The following FREM3 variants were observed in gnomAD, a reference collection of about 807,000 sequenced individuals.
FREM3 encodes FRAS1-related extracellular matrix protein 3.
Under a neutral mutation model 129.1 loss-of-function variants are expected in FREM3, and 105 were observed. The observed-to-expected ratio is 0.81, with a 90% CI of 0.69 to 0.96. FREM3 has a LOEUF of 0.96. Among genes scored for constraint, FREM3 ranks in the 40% least tolerant of loss-of-function variants. The pLI is 0.00. For synonymous variants in FREM3, 1,014 were observed against 1,044.9 expected (o/e 0.97, Z 0.57); for missense variants, 2,593 against 2,666.3 (o/e 0.97, Z 0.61).
rs553370254 is a variant in FREM3, at chr4:143,594,016, A to G, written c.6029-8023T>C. 3.3e-5 allele frequency among the ~76,000 whole-genome samples: 5 copies of G among 152,152 alleles called. No homozygotes were observed. The South Asian group carries it at 1.0e-3, about 32-fold the overall frequency. ...ATGAGCGAGGCTCTGTGGGCGTAGG[A>G]CCCTCTGAGCCATGTGCAGGATATA... is the stretch of plus-strand genomic sequence containing the variant. On this transcript the variant is annotated intron_variant, in intron 6 of 7. Coordinates refer to ENST00000329798, the MANE Select transcript of FREM3 (RefSeq NM_001168235.2).
chr4:143,643,738 GTGTTC>G (rs1739364612), intron 2 of FREM3, among the ~76,000 whole-genome samples: 1 of 152,066 alleles, frequency 6.6e-6, no homozygotes, highest in South Asian at 2.1e-4. Context: ...ATAAGTTCTG[GTGTTC>G]TGTTGCACAG....
intron 5 of FREM3, among the ~76,000 whole-genome samples, chr4:143,618,741 T>C (rs1158065983): frequency 2.0e-5 from 3 of 151,962 alleles, no homozygotes; most frequent in African/African-American, 7.3e-5. Flanking sequence ...CAAAAAATTT[T>C]AAAAATTATC....
chr4:143,623,410 A>G (rs117551556), intron 4 of FREM3, among the ~76,000 whole-genome samples: 22 of 150,602 alleles, frequency 1.5e-4, no homozygotes, highest in African/African-American at 5.4e-4. Context: ...GTTGTAAGCT[A>G]TGCACTTCCA....
At chr4:143,637,711 A>G (rs924266467) in intron 2 of FREM3, among the ~76,000 whole-genome samples, 1 of 152,162 alleles carries the variant, frequency 6.6e-6, no homozygotes, top group Non-Finnish European at 1.5e-5. Flanking sequence ...GTACAAAATA[A>G]CCCATAGGTT....
Position 143,699,860 on chromosome 4 carries a change from C to A in FREM3, c.816G>T (p.Leu272=). The change falls in exon 1 of 8, where the codon CTG becomes CTT. Residue 272 remains leucine (L), a synonymous_variant. Coordinates refer to ENST00000329798, the MANE Select transcript of FREM3 (RefSeq NM_001168235.2). The surrounding 1 kb of genome is among the most constrained non-coding windows in gnomAD (Gnocchi z 4.2). ...ACCCAGCGTCTTGGCCCTCAGGCCC[C>A]AGCAGCTCCACCATCATGGGCACGT... ...RDYVPMMVEL[L]GPEGQDAGSA... The A allele has an allele frequency of 6.5e-7, 1 of 1,536,710 alleles. No individual in the cohort carries two copies. Among genetic ancestry groups the A allele is most frequent in the South Asian group, 1.2e-5 (1 of 84,066 alleles).
Position 143,699,121 on chromosome 4 carries a change from AGAT to A in FREM3, c.1552_1554del (p.Ile518del). On this transcript the variant is annotated inframe_deletion, in exon 1 of 8. Coordinates refer to ENST00000329798, the MANE Select transcript of FREM3 (RefSeq NM_001168235.2). This position sits in a 1 kb window ranked among gnomAD's most constrained non-coding sequence, Gnocchi z 4.2. ...TGGTGGTGCCCGTCCTCCATCCGGA[AGAT>A]GATATTGTCACTGTAGGTGTTGCTG... 6.5e-7 allele frequency: 1 copy of A among 1,537,472 alleles called. No homozygotes were observed. The highest frequency in any genetic ancestry group is 8.7e-7 in the Non-Finnish European group (1 of 1,146,960).
chr4:143,639,245 T>C (rs980167889), intron 2 of FREM3, among the ~76,000 whole-genome samples: 26 of 152,190 alleles, frequency 1.7e-4, no homozygotes, highest in Admixed American at 1.6e-3. Context: ...CCAGAGGAAA[T>C]TGTTATTTTC....
At position 143,700,361 on chromosome 4, in the gene FREM3, C is replaced by T. The variant is rs914124718; in HGVS notation, c.315G>A (p.Arg105=). The change falls in exon 1 of 8, where the codon CGG becomes CGA. Residue 105 remains arginine, a synonymous_variant. Coordinates refer to ENST00000329798, the MANE Select transcript of FREM3 (RefSeq NM_001168235.2). ...CEVTVLDALP[R]LKGALSPRRF... ...GGCGCGGGGAGAGCGCGCCCTTGAG[C>T]CGCGGCAGGGCGTCCAGTACCGTGA... 3.3e-6 allele frequency: 5 copies of T among 1,534,768 alleles called. No homozygotes were observed. The African/African-American group carries it at 6.8e-5, about 21-fold the overall frequency.
intron 7 of FREM3, among the ~76,000 whole-genome samples, chr4:143,581,890 C>T (rs1015694467): frequency 1.3e-5 from 2 of 152,018 alleles, no homozygotes; most frequent in East Asian, 3.9e-4. Flanking sequence ...CCTTGCTGCC[C>T]CCAGAGAAGA....
At chr4:143,678,602 A>G (rs550162655) in intron 2 of FREM3, among the ~76,000 whole-genome samples, 1 of 152,176 alleles carries the variant, frequency 6.6e-6, no homozygotes, top group South Asian at 2.1e-4. Context: ...TATGGAATTT[A>G]GGAAAATGCC....
intron 2 of FREM3, among the ~76,000 whole-genome samples, chr4:143,650,076 C>T (rs773302849): frequency 6.6e-5 from 10 of 152,160 alleles, no homozygotes; most frequent in South Asian, 2.1e-4. Flanking sequence ...TAAATGCTAT[C>T]GCACAGTCAG....
At chr4:143,664,377 G>A (rs1405251547) in intron 2 of FREM3, among the ~76,000 whole-genome samples, 1 of 152,138 alleles carries the variant, frequency 6.6e-6, no homozygotes, top group Non-Finnish European at 1.5e-5. Context: ...CTAGGTAGCA[G>A]CAGCGGTGTC....
chr4:143,646,704 T>A (rs1361725961), intron 2 of FREM3, among the ~76,000 whole-genome samples: 1 of 152,192 alleles, frequency 6.6e-6, no homozygotes, highest in Non-Finnish European at 1.5e-5. Context: ...TAAACCTCTA[T>A]CCTTTGTAAA....
At chr4:143,668,571 GAA>G (rs1332363430) in intron 2 of FREM3, among the ~76,000 whole-genome samples, 1 of 152,240 alleles carries the variant, frequency 6.6e-6, no homozygotes, top group Non-Finnish European at 1.5e-5. Context: ...TGAAAGGGCT[GAA>G]ATTTTATTGC....
intron 5 of FREM3, among the ~76,000 whole-genome samples, chr4:143,613,015 G>T (rs1738788328): frequency 6.6e-6 from 1 of 152,166 alleles, no homozygotes; most frequent in Admixed American, 6.5e-5. Context: ...GTACAAGTTG[G>T]TGTCCATCAC....
intron 5 of FREM3, among the ~76,000 whole-genome samples, chr4:143,619,418 A>G (rs911505159): frequency 6.6e-6 from 1 of 152,086 alleles, no homozygotes; most frequent in Admixed American, 6.6e-5. Context: ...CACCACAGTG[A>G]TTGTCTTGCT....
rs956022900 is a variant in FREM3 at position 143,623,830 on chromosome 4, C to T, written c.5653+278G>A. On this transcript the variant is annotated intron_variant, in intron 4 of 7. Coordinates refer to ENST00000329798, the MANE Select transcript of FREM3 (RefSeq NM_001168235.2). ...TAGCCATCTGGGAGCAGAGTTGCTT[C>T]GTACCTATGGCGTGCAGAAAGCCTG... is the stretch of plus-strand genomic sequence containing the variant. Among the ~76,000 whole-genome samples the T allele has an allele frequency of 1.8e-4, 28 of 152,074 alleles. 1 individual carries two copies. The highest frequency in any genetic ancestry group is 4.4e-5 in the Non-Finnish European group (3 of 68,010).
At chr4:143,621,911 GTGTT>G (rs1218316632) in intron 4 of FREM3, among the ~76,000 whole-genome samples, 1 of 152,134 alleles carries the variant, frequency 6.6e-6, no homozygotes, top group Non-Finnish European at 1.5e-5. Flanking sequence ...TAAAATATAG[GTGTT>G]TGTTTACAAA....
At position 143,595,889 on chromosome 4, in the gene FREM3, G is replaced by GAAAAAAAAAAAAAAA. The variant is rs70953742; in HGVS notation, c.6029-9911_6029-9897dup. On this transcript the variant is annotated intron_variant, in intron 6 of 7. Coordinates refer to ENST00000329798, the MANE Select transcript of FREM3 (RefSeq NM_001168235.2). ...GGCGACAGAGCGAGACGCCATCTCAGAAAAAAAAAAAAAAAGAAGGAACTG... is the reference window on the plus strand; with the variant it reads ...GGCGACAGAGCGAGACGCCATCTCAGAAAAAAAAAAAAAAAAAAAAAAAAAAAAAAGAAGGAACTG... Among the ~76,000 whole-genome samples the GAAAAAAAAAAAAAAA allele has an allele frequency of 2.8e-3, 311 of 110,508 alleles. 10 individuals are homozygous for GAAAAAAAAAAAAAAA. Among genetic ancestry groups the GAAAAAAAAAAAAAAA allele is most frequent in the African/African-American group, 0.011 (295 of 27,736 alleles). 72.5% of individuals were successfully genotyped at this position (110,508 alleles called of 152,430 possible).
Sources: gnomAD v4.1 joint callset for allele counts (sites outside exome capture counted in the v4.1 genomes callset) on GRCh38, gnomAD v4.1.1 for gene constraint, Gnocchi (gnomAD v3.1) non-coding constraint, MANE v1.5 for transcripts, NCBI Gene and HGNC (gene_info 2026-07-23, HGNC 2026-07-21) for gene names.